KCNAB1: variants seen among roughly 807,000 people sequenced by gnomAD.
The protein encoded by KCNAB1 is potassium voltage-gated channel subfamily A regulatory beta subunit 1.
A neutral mutation model predicts 64.6 loss-of-function variants in KCNAB1; 35 were observed. The observed-to-expected ratio is 0.54, with a 90% CI of 0.41 to 0.72. The LOEUF (loss-of-function observed/expected upper bound fraction) is 0.72, where lower values mean the gene tolerates loss of function less well. KCNAB1 is among the 30% of genes least tolerant of loss of function. The pLI is 0.00. For missense variants in KCNAB1, 401 were observed against 512.9 expected, an observed-to-expected ratio of 0.78 and a Z score of 2.11; for synonymous variants, 177 against 183.8, an observed-to-expected ratio of 0.96 and a Z score of 0.30.
intron 7 of KCNAB1, among the ~76,000 whole-genome samples, chr3:156,466,805 C>A (rs569151173): frequency 2.0e-5 from 3 of 152,132 alleles, no homozygotes; most frequent in Non-Finnish European, 2.9e-5. Context: ...TACTACTACT[C>A]TACTTAATCG....
At chr3:156,143,508 C>A (rs1240078490) in intron 1 of KCNAB1, 15 of 807,516 alleles carry the variant, frequency 1.9e-5, no homozygotes, top group Non-Finnish European at 1.7e-5. Context: ...AATAGCAAGA[C>A]AAAACCCTGT....
At chr3:156,280,642 C>G (rs1719651751) in intron 1 of KCNAB1, among the ~76,000 whole-genome samples, 3 of 150,300 alleles carry the variant, frequency 2.0e-5, no homozygotes, top group Non-Finnish European at 3.0e-5. Flanking sequence ...CTTTAATTTC[C>G]TTGAGCAGTG....
intron 1 of KCNAB1, among the ~76,000 whole-genome samples, chr3:156,141,744 A>C (rs1486427561): frequency 6.6e-6 from 1 of 152,230 alleles, no homozygotes; most frequent in Non-Finnish European, 1.5e-5. Flanking sequence ...ACAAGTTTTC[A>C]TGTGAACATA....
chr3:156,215,384 TTTC>T (rs1715255473), intron 1 of KCNAB1, among the ~76,000 whole-genome samples: 1 of 152,240 alleles, frequency 6.6e-6, no homozygotes, highest in African/African-American at 2.4e-5. Flanking sequence ...ATAAATTTAG[TTTC>T]TTCTTGTAGG....
chr3:156,228,826 G>A (rs1716343767), intron 1 of KCNAB1, among the ~76,000 whole-genome samples: 1 of 152,222 alleles, frequency 6.6e-6, no homozygotes, highest in Non-Finnish European at 1.5e-5. Flanking sequence ...TCCACAGACA[G>A]TTTTCTGTCT....
At chr3:156,265,625 T>C (rs1180329964) in intron 1 of KCNAB1, among the ~76,000 whole-genome samples, 1 of 152,204 alleles carries the variant, frequency 6.6e-6, no homozygotes, top group African/African-American at 2.4e-5. Context: ...ATTCTTCTAT[T>C]TACCCATGCT....
At chr3:156,378,056 G>A (rs1013173492) in intron 1 of KCNAB1, among the ~76,000 whole-genome samples, 4 of 151,938 alleles carry the variant, frequency 2.6e-5, no homozygotes, top group Admixed American at 6.6e-5. Context: ...GGACATGCAG[G>A]GAGCCTTTAT....
At chr3:156,418,122 A>G (rs935542691) in intron 1 of KCNAB1, among the ~76,000 whole-genome samples, 3 of 152,268 alleles carry the variant, frequency 2.0e-5, no homozygotes, top group African/African-American at 7.2e-5. Flanking sequence ...CATAGATAAA[A>G]TAGTTAAACC....
At chr3:156,490,878 G>T (rs543447794) in intron 8 of KCNAB1, among the ~76,000 whole-genome samples, 2 of 151,936 alleles carry the variant, frequency 1.3e-5, no homozygotes, top group South Asian at 4.1e-4. Context: ...AGAGATTGAC[G>T]CAAAGAAACA....
chr3:156,433,213 A>T (rs1299545607), intron 2 of KCNAB1, among the ~76,000 whole-genome samples: 2 of 152,176 alleles, frequency 1.3e-5, no homozygotes, highest in East Asian at 3.8e-4. Flanking sequence ...GATGAATCAG[A>T]TCCTTGGGCT....
At chr3:156,291,979 G>A (rs1720466577) in intron 1 of KCNAB1, 1 of 1,614,148 alleles carries the variant, frequency 6.2e-7, no homozygotes, top group African/African-American at 1.3e-5. Flanking sequence ...TTCTGAGCAA[G>A]CAGAGCTCCA....
chr3:156,143,943 T>A (rs1458948564), intron 1 of KCNAB1, among the ~76,000 whole-genome samples: 1 of 151,860 alleles, frequency 6.6e-6, no homozygotes, highest in Non-Finnish European at 1.5e-5. Context: ...ATTTATTTTT[T>A]AAATCAGTGT....
chr3:156,211,991 A>G (rs1450951993), intron 1 of KCNAB1, among the ~76,000 whole-genome samples: 2 of 152,326 alleles, frequency 1.3e-5, no homozygotes, highest in South Asian at 2.1e-4. Context: ...GTGGCTGCAC[A>G]GAGAGTTTTG....
At chr3:156,233,584 A>G (rs1225244616) in intron 1 of KCNAB1, among the ~76,000 whole-genome samples, 1 of 152,174 alleles carries the variant, frequency 6.6e-6, no homozygotes, top group Non-Finnish European at 1.5e-5. Context: ...AGGCCTGAGT[A>G]GAGTGTTTTA....
chr3:156,147,508 G>T (rs1381046945), intron 1 of KCNAB1, among the ~76,000 whole-genome samples: 1 of 152,088 alleles, frequency 6.6e-6, no homozygotes, highest in Admixed American at 6.5e-5. Flanking sequence ...TATGCTTTAA[G>T]AATTTTCCAA....
chr3:156,478,987 A>G (rs1714587947), intron 8 of KCNAB1, among the ~76,000 whole-genome samples: 1 of 152,192 alleles, frequency 6.6e-6, no homozygotes, highest in Non-Finnish European at 1.5e-5. Flanking sequence ...AGACATTTTC[A>G]GGCTATGGGA....
chr3:156,254,177 T>TAA (rs964430542), intron 1 of KCNAB1, among the ~76,000 whole-genome samples: 1 of 152,158 alleles, frequency 6.6e-6, no homozygotes, highest in African/African-American at 2.4e-5. Context: ...ATGTTAAAAA[T>TAA]AAAAAGAGAG....
At chr3:156,454,148 TG>T (rs965608827) in intron 3 of KCNAB1, among the ~76,000 whole-genome samples, 55 of 152,348 alleles carry the variant, frequency 3.6e-4, no homozygotes, top group African/African-American at 1.3e-3. Context: ...GCTTGTCTCA[TG>T]GGGGCTCCCC....
rs142672327 is a variant in KCNAB1 at position 156,141,191 on chromosome 3, A to T, written c.275+20305A>T. Among the ~76,000 whole-genome samples, 562 of 152,238 alleles carry T rather than the reference A, an allele frequency of 3.7e-3. 6 individuals carry two copies. The highest frequency in any genetic ancestry group is 0.017 in the South Asian group (81 of 4,818). ...ATGGTATCTTGCCTTGCCACAGTTC[A>T]ATAGCACAATCAGGAAACTGATGAT... On this transcript the variant is annotated intron_variant, in intron 1 of 13. Transcript: ENST00000490337.
Sources: allele counts gnomAD v4.1 joint callset (sites outside exome capture counted in the v4.1 genomes callset), GRCh38; gene constraint gnomAD v4.1.1; transcripts MANE v1.5; gene names NCBI Gene and HGNC (gene_info 2026-07-23, HGNC 2026-07-21).